DCDC1: variants seen among roughly 807,000 people sequenced by gnomAD.
DCDC1 encodes the protein doublecortin domain-containing protein 1.
A neutral mutation model predicts 178.3 loss-of-function variants in DCDC1; 200 were observed. The ratio of observed to expected loss-of-function variants is 1.12; its 90% CI spans 1.00 to 1.26. DCDC1 has a LOEUF of 1.26. DCDC1 is among the 50% of genes most tolerant of loss of function. DCDC1 has a pLI of 0.00. For missense variants in DCDC1, 1,983 were observed against 1,749.2 expected, an observed-to-expected ratio of 1.13 and a Z score of -2.38; for synonymous variants, 690 against 604.8, an observed-to-expected ratio of 1.14 and a Z score of -2.07.
At chr11:31,143,547 G>C (rs1039745061) in intron 9 of DCDC1, among the ~76,000 whole-genome samples, 1 of 152,132 alleles carries the variant, frequency 6.6e-6, no homozygotes, top group Non-Finnish European at 1.5e-5. Flanking sequence ...AATATAAGTG[G>C]AGCATATGTG....
intron 12 of DCDC1, 73 bp from the exon 13 acceptor site, chr11:31,107,033 C>T (rs1958895226): frequency 1.5e-6 from 1 of 659,102 alleles, no homozygotes. Flanking sequence ...CTGTAATAAA[C>T]TGTCTCTACT....
intron 31 of DCDC1, 91 bp downstream of exon 31, chr11:30,904,870 A>G (rs1331024457): frequency 2.1e-6 from 3 of 1,460,174 alleles, no homozygotes; most frequent in Non-Finnish European, 2.8e-6. Context: ...AGGGACATTT[A>G]TCACTCAATC....
At chr11:31,294,824 A>AAGAAAGAAAGAAAGAAAGAG in intron 6 of DCDC1, among the ~76,000 whole-genome samples, 3 of 142,700 alleles carry the variant, frequency 2.1e-5, no homozygotes, top group Admixed American at 6.9e-5. Flanking sequence ...GAAAGAAAGA[A>AAGAAAGAAAGAAAGAAAGAG]AGAAAGAAAG....
At chr11:30,996,714 G>C in intron 20 of DCDC1, among the ~76,000 whole-genome samples, 1 of 152,130 alleles carries the variant, frequency 6.6e-6, no homozygotes. Context: ...CTTGATCTTG[G>C]ACTTCCCTGC....
At chr11:30,880,732 C>G (rs1013269907) in intron 37 of DCDC1, among the ~76,000 whole-genome samples, 2 of 151,988 alleles carry the variant, frequency 1.3e-5, no homozygotes, top group Non-Finnish European at 2.9e-5. Flanking sequence ...AACGAATAGA[C>G]AAGATAATAA....
At chr11:31,115,208 T>G (rs1959699626) in intron 11 of DCDC1, among the ~76,000 whole-genome samples, 1 of 152,178 alleles carries the variant, frequency 6.6e-6, no homozygotes, top group African/African-American at 2.4e-5. Context: ...CTGCCCTGAA[T>G]GGGCAGTTAT....
In DCDC1 at chr11:31,366,792, CACTG is replaced by C. The variant is rs552632163; in HGVS notation, c.-125+2901_-125+2904del. Among the ~76,000 whole-genome samples, 43 of 152,260 alleles carry C rather than the reference CACTG, an allele frequency of 2.8e-4. No individual in the cohort carries two copies. The South Asian group carries it at 8.7e-3, about 31-fold the overall frequency. On this transcript the variant is annotated intron_variant, in intron 1 of 38. Coordinates refer to ENST00000684477, the MANE Select transcript of DCDC1 (RefSeq NM_001387274.1). Reference sequence around the variant, plus strand: ...ACATCAGTGTCAAATTCACCTTCCTCACTGACTAAAATTAGGGGTTTATATAACA... The same window carrying C: ...ACATCAGTGTCAAATTCACCTTCCTCACTAAAATTAGGGGTTTATATAACA...
At chr11:31,340,213 A>G (rs573391584) in intron 1 of DCDC1, among the ~76,000 whole-genome samples, 79 of 142,584 alleles carry the variant, frequency 5.5e-4, no homozygotes, top group African/African-American at 2.1e-3. Context: ...AAATTGCTGG[A>G]TTTCCCAGGA....
intron 38 of DCDC1, among the ~76,000 whole-genome samples, chr11:30,874,781 A>G (rs1941963811): frequency 6.6e-6 from 1 of 152,130 alleles, no homozygotes; most frequent in South Asian, 2.1e-4. Flanking sequence ...ACCTGAGCTA[A>G]AACCCTAATA....
rs545230289 is a variant in DCDC1, at chr11:31,157,151, G to A, written c.1222-19367C>T. Among the ~76,000 whole-genome samples the A allele has an allele frequency of 1.9e-4, 29 of 151,610 alleles. No homozygotes were observed. The East Asian group carries it at 4.7e-3, about 24-fold the overall frequency. Reference sequence around the variant, plus strand: ...CCTGGCACTTTGGGAGGCCAAGCTGGGAGGATCGCTTAAAGCCAGGAGTTT... The same window carrying A: ...CCTGGCACTTTGGGAGGCCAAGCTGAGAGGATCGCTTAAAGCCAGGAGTTT... On this transcript the variant is annotated intron_variant, in intron 9 of 38. Transcript: ENST00000684477.
At chr11:31,174,314 T>C (rs1383917399) in intron 9 of DCDC1, among the ~76,000 whole-genome samples, 5 of 152,176 alleles carry the variant, frequency 3.3e-5, no homozygotes, top group African/African-American at 1.2e-4. Flanking sequence ...AGCCCAGGCA[T>C]TGTCGCAACC....
At chr11:31,258,427 A>G (rs1227133934) in intron 8 of DCDC1, among the ~76,000 whole-genome samples, 1 of 152,148 alleles carries the variant, frequency 6.6e-6, no homozygotes, top group African/African-American at 2.4e-5. Context: ...AAGCAAAAGG[A>G]AAGTATTAAT....
chr11:31,310,989 CCTT>C (rs1200475786), intron 3 of DCDC1, among the ~76,000 whole-genome samples: 1 of 152,168 alleles, frequency 6.6e-6, no homozygotes, highest in Non-Finnish European at 1.5e-5. Context: ...CCTCCTATCT[CCTT>C]CTGTGTCTAC....
intron 20 of DCDC1, among the ~76,000 whole-genome samples, chr11:31,018,515 T>C (rs1206045918): frequency 1.3e-5 from 2 of 152,168 alleles, no homozygotes; most frequent in Non-Finnish European, 2.9e-5. Context: ...ACCCTGTGTG[T>C]TATTCATCTC....
intron 20 of DCDC1, among the ~76,000 whole-genome samples, chr11:30,989,475 A>C (rs1180140672): frequency 6.6e-6 from 1 of 152,160 alleles, no homozygotes; most frequent in Non-Finnish European, 1.5e-5. Context: ...GAAAAATAAA[A>C]ACAAATCTGA....
At chr11:31,135,014 A>T (rs563055015) in intron 10 of DCDC1, among the ~76,000 whole-genome samples, 98 of 152,252 alleles carry the variant, frequency 6.4e-4, no homozygotes, top group South Asian at 2.1e-3. Flanking sequence ...AAAAATTTTT[A>T]AAAAAATTTT....
At chr11:30,915,052 C>G (rs1475122423) in intron 27 of DCDC1, among the ~76,000 whole-genome samples, 1 of 151,914 alleles carries the variant, frequency 6.6e-6, no homozygotes, top group Non-Finnish European at 1.5e-5. Context: ...GTTTATACTG[C>G]GTGAGTGGAA....
intron 20 of DCDC1, among the ~76,000 whole-genome samples, chr11:30,989,958 G>A (rs1950880970): frequency 6.6e-6 from 1 of 152,142 alleles, no homozygotes; most frequent in African/African-American, 2.4e-5. Context: ...GGTCATGTGT[G>A]CAGGTGTGTG....
intron 20 of DCDC1, among the ~76,000 whole-genome samples, chr11:31,045,216 A>G (rs1255901704): frequency 6.6e-6 from 1 of 152,082 alleles, no homozygotes; most frequent in African/African-American, 2.4e-5. Context: ...CTTTTCCTAC[A>G]TGTACTTCTT....
Sources: gnomAD v4.1 joint callset for allele counts (sites outside exome capture counted in the v4.1 genomes callset) on GRCh38, gnomAD v4.1.1 for gene constraint, MANE v1.5 for transcripts, NCBI Gene and HGNC (gene_info 2026-07-23, HGNC 2026-07-21) for gene names.